MCF2L2: variants seen among roughly 807,000 people sequenced by gnomAD.
MCF2L2 encodes the protein probable guanine nucleotide exchange factor MCF2L2.
Under a neutral mutation model 150.2 loss-of-function variants are expected in MCF2L2, and 102 were observed. The ratio of observed to expected loss-of-function variants is 0.68; its 90% confidence interval spans 0.58 to 0.80. MCF2L2 has a LOEUF of 0.80. MCF2L2 is among the 30% of genes least tolerant of loss of function. The pLI, the probability that MCF2L2 is intolerant of heterozygous loss-of-function variation, is 0.00. For synonymous variants in MCF2L2, 465 were observed against 491.3 expected (o/e 0.95, Z 0.71); for missense variants, 1,256 against 1,372.8 (o/e 0.91, Z 1.34).
chr3:183,323,267 A>G lies in MCF2L2; in HGVS notation c.571T>C (p.Tyr191His), dbSNP rs1729888291. The G allele has an allele frequency of 1.2e-6, 2 of 1,613,668 alleles. No homozygotes were observed. Among genetic ancestry groups the G allele is most frequent in the Non-Finnish European group, 1.7e-6 (2 of 1,179,632 alleles). ...LTRELGGTLE[Y>H]RHGQWVNHRT... The stretch of plus-strand genomic sequence containing the variant: ...TGATTTACCCACTGACCGTGGCGAT[A>G]TTCCAAAGTCCCCCCTAATTCCCGG... Residue 191 changes from tyrosine to histidine, a missense_variant, in exon 6 of 30, where the codon TAT becomes CAT. Transcript: ENST00000328913.
At chr3:183,210,264 C>T (rs1209648740) in intron 22 of MCF2L2, among the ~76,000 whole-genome samples, 1 of 152,074 alleles carries the variant, frequency 6.6e-6, no homozygotes, top group Non-Finnish European at 1.5e-5. Context: ...GACAATAAAT[C>T]AGATGAACTG....
intron 14 of MCF2L2, among the ~76,000 whole-genome samples, chr3:183,281,304 G>A (rs925445509): frequency 2.6e-5 from 4 of 151,476 alleles, no homozygotes; most frequent in African/African-American, 9.7e-5. Flanking sequence ...CTAGCCACAG[G>A]AATGAGTGGC....
chr3:183,266,227 T>A (rs1726107289), intron 15 of MCF2L2: 1 of 152,238 alleles, frequency 6.6e-6, no homozygotes, highest in Non-Finnish European at 1.5e-5. Context: ...GCACAAAGTC[T>A]AGCAAGAAGC....
At chr3:183,216,576 ATATATTTTTTTTTTTTTTTTTTTT>A (rs1183136700) in intron 21 of MCF2L2, among the ~76,000 whole-genome samples, 1,975 of 26,466 alleles carry the variant, frequency 0.075, 88 homozygotes, top group East Asian at 0.18. Context: ...ATATATATAT[ATATATTTTTTTTTTTTTTTTTTTT>A]TTTTTTTTTT....
At chr3:183,325,707 G>A (rs539442061) in intron 5 of MCF2L2, among the ~76,000 whole-genome samples, 1 of 152,268 alleles carries the variant, frequency 6.6e-6, no homozygotes, top group Non-Finnish European at 1.5e-5. Context: ...CACAGGGTCT[G>A]GAGTTTCAGA....
chr3:183,209,594 C>G (rs1208032237), intron 22 of MCF2L2, among the ~76,000 whole-genome samples: 1 of 152,116 alleles, frequency 6.6e-6, no homozygotes, highest in African/African-American at 2.4e-5. Context: ...GTTCAAGGGA[C>G]TCTCCTGCCT....
intron 10 of MCF2L2, among the ~76,000 whole-genome samples, chr3:183,306,267 T>C (rs550723309): frequency 6.6e-6 from 1 of 152,214 alleles, no homozygotes; most frequent in Non-Finnish European, 1.5e-5. Context: ...AACCTCCAAA[T>C]TGAAGCTTAT....
intron 27 of MCF2L2, among the ~76,000 whole-genome samples, chr3:183,188,562 G>A (rs1278882571): frequency 6.6e-6 from 1 of 152,186 alleles, no homozygotes; most frequent in Non-Finnish European, 1.5e-5. Context: ...ACTCTCAAGA[G>A]GCTGTCCCAC....
intron 1 of MCF2L2, among the ~76,000 whole-genome samples, chr3:183,394,059 A>G (rs909964413): frequency 1.3e-5 from 2 of 152,232 alleles, no homozygotes; most frequent in African/African-American, 4.8e-5. Flanking sequence ...GTTAAGGGGG[A>G]AAAAGTATGG....
At chr3:183,204,670 T>C (rs1722410240) in intron 25 of MCF2L2, among the ~76,000 whole-genome samples, 1 of 151,976 alleles carries the variant, frequency 6.6e-6, no homozygotes, top group Non-Finnish European at 1.5e-5. Context: ...CAAAGAAAAC[T>C]GGAAATAAAG....
At chr3:183,412,026 T>C (rs1214673918) in intron 1 of MCF2L2, among the ~76,000 whole-genome samples, 1 of 152,224 alleles carries the variant, frequency 6.6e-6, no homozygotes, top group Non-Finnish European at 1.5e-5. Context: ...GGAGATGTTC[T>C]GCTTCCACTA....
At position 183,318,095 on chromosome 3, in the gene MCF2L2, G is replaced by A. The variant is rs145190931; in HGVS notation, c.726C>T (p.Ser242=). 1.2e-6 allele frequency: 2 copies of A among 1,613,944 alleles called. No homozygotes were observed. Among genetic ancestry groups the A allele is most frequent in the African/African-American group, 2.7e-5 (2 of 74,942 alleles). The part of the protein sequence containing the change: ...SMLSTEDLLM[S]HTRQRDKLQD... ...GCAGCTTGTCCCGCTGCCTTGTGTG[G>A]GACATGAGAAGGTCTTCCGTGGATA... The change falls in exon 7 of 30, where the codon TCC becomes TCT. Residue 242 remains serine, a synonymous_variant. Coordinates refer to ENST00000328913, the MANE Select transcript of MCF2L2 (RefSeq NM_015078.4).
chr3:183,191,872 G>A lies in MCF2L2; in HGVS notation c.3016+1127C>T, dbSNP rs564497967. ...ATTTATTTTTTTGAGACAGAGTCTC[G>A]CTCTGTTGCCCAGGCTGGAGTGCAG... On this transcript the variant is annotated intron_variant, in intron 27 of 29. Transcript: ENST00000328913. 1.1e-4 allele frequency among the ~76,000 whole-genome samples: 16 copies of A among 151,674 alleles called. 1 individual carries two copies. The highest frequency in any genetic ancestry group is 5.8e-4 in the East Asian group (3 of 5,180).
chr3:183,255,281 T>C (rs1225236182), intron 15 of MCF2L2, among the ~76,000 whole-genome samples: 1 of 152,144 alleles, frequency 6.6e-6, no homozygotes, highest in African/African-American at 2.4e-5. Context: ...AAAGGGTGAT[T>C]AGTGATCAGC....
At chr3:183,351,262 C>T (rs1021251737) in intron 3 of MCF2L2, among the ~76,000 whole-genome samples, 3 of 118,534 alleles carry the variant, frequency 2.5e-5, no homozygotes, top group African/African-American at 3.6e-5. Context: ...ATCAGAACCC[C>T]AGGGCTCAAG....
chr3:183,351,722 T>G (rs1401648551), intron 3 of MCF2L2, among the ~76,000 whole-genome samples: 1 of 152,206 alleles, frequency 6.6e-6, no homozygotes, highest in Non-Finnish European at 1.5e-5. Flanking sequence ...AATTCCCTCT[T>G]GAATGGCAGT....
At chr3:183,375,928 G>C (rs1338427801) in intron 3 of MCF2L2, 1 of 152,192 alleles carries the variant, frequency 6.6e-6, no homozygotes, top group African/African-American at 2.4e-5. Context: ...ATTAGACATA[G>C]GTCCAAGTCA....
In MCF2L2 at chr3:183,256,981, A is replaced by T. The variant is rs546223810; in HGVS notation, c.1862+19891T>A. Among the ~76,000 whole-genome samples the T allele has an allele frequency of 2.0e-5, 3 of 152,342 alleles. No homozygotes were observed. In the South Asian group the frequency reaches 6.2e-4, roughly 32 times the overall value. On this transcript the variant is annotated intron_variant, in intron 15 of 29. Transcript: ENST00000328913. ...CCTTAGCCATCAGATCAGTATTTTT[A>T]AAAACTCCTACCTAATTAATGTTTT... is the stretch of plus-strand genomic sequence containing the variant.
chr3:183,402,869 T>A (rs545162584), intron 1 of MCF2L2, among the ~76,000 whole-genome samples: 45 of 150,844 alleles, frequency 3.0e-4, no homozygotes, highest in Non-Finnish European at 4.9e-4. Context: ...AGACAAAAAA[T>A]ATATATATAT....
Sources: gnomAD v4.1 joint callset for allele counts (sites outside exome capture counted in the v4.1 genomes callset) on GRCh38, gnomAD v4.1.1 for gene constraint, MANE v1.5 for transcripts, NCBI Gene and HGNC (gene_info 2026-07-23, HGNC 2026-07-21) for gene names.